Variants in PCLO observed in about 807,000 individuals in gnomAD.
The protein encoded by PCLO is protein piccolo.
A neutral mutation model predicts 427.5 loss-of-function variants in PCLO; 82 were observed. That is an observed-to-expected ratio of 0.19 (90% CI 0.16 to 0.23). The LOEUF is 0.23. PCLO is among the 10% of genes least tolerant of loss of function. The probability of loss-of-function intolerance (pLI) is 1.00; values close to 1 mark genes in which losing one functional copy is unlikely to be tolerated. For synonymous variants in PCLO, 2,357 were observed against 2,155.4 expected, an observed-to-expected ratio of 1.09 and a Z score of -2.59; for missense variants, 6,239 against 6,115.9, an observed-to-expected ratio of 1.02 and a Z score of -0.67.
At chr7:83,082,269 TTATAGATGTTTCA>T (rs1790121445) in intron 3 of PCLO, among the ~76,000 whole-genome samples, 1 of 151,632 alleles carries the variant, frequency 6.6e-6, no homozygotes, top group Non-Finnish European at 1.5e-5. Context: ...TATATATATT[TTATAGATGTTTCA>T]TACATAGAAC....
chr7:82,761,528 T>C, intron 22 of PCLO, 35 bp from the exon 23 acceptor site: 1 of 1,483,612 alleles, frequency 6.7e-7, no homozygotes, highest in Non-Finnish European at 9.3e-7. Context: ...AAGAAGTATG[T>C]AATGCCATAT....
chr7:83,005,273 G>C (rs1583897795), intron 3 of PCLO, among the ~76,000 whole-genome samples: 3 of 151,516 alleles, frequency 2.0e-5, no homozygotes, highest in Non-Finnish European at 3.0e-5. Flanking sequence ...TGACAACATG[G>C]ATAAACCTAA....
intron 8 of PCLO, among the ~76,000 whole-genome samples, chr7:82,908,595 A>G (rs1021988684): frequency 6.6e-6 from 1 of 152,026 alleles, no homozygotes; most frequent in African/African-American, 2.4e-5. Context: ...AGCTCCATCT[A>G]TTCTTCTTGT....
At chr7:82,813,370 G>C (rs1791613045) in intron 20 of PCLO, among the ~76,000 whole-genome samples, 1 of 151,642 alleles carries the variant, frequency 6.6e-6, no homozygotes, top group South Asian at 2.1e-4. Flanking sequence ...TCTATATATA[G>C]ATGGTTATAT....
chr7:83,055,080 AT>A (rs1789346043), intron 3 of PCLO, among the ~76,000 whole-genome samples: 1 of 152,118 alleles, frequency 6.6e-6, no homozygotes, highest in South Asian at 2.1e-4. Context: ...CTGCACTGTT[AT>A]TAGAACTTCA....
At chr7:83,158,539 T>G (rs1792355585) in intron 1 of PCLO, among the ~76,000 whole-genome samples, 1 of 151,862 alleles carries the variant, frequency 6.6e-6, no homozygotes, top group African/African-American at 2.4e-5. Flanking sequence ...AAATCTACCT[T>G]AATTATACTA....
At chr7:82,880,409 A>T in intron 9 of PCLO, 1 of 412,862 alleles carries the variant, frequency 2.4e-6, no homozygotes, top group South Asian at 1.8e-5. Flanking sequence ...GAATAGCTCT[A>T]TTCTTTTTAT....
intron 2 of PCLO, among the ~76,000 whole-genome samples, chr7:83,147,647 G>A (rs944562248): frequency 6.6e-6 from 1 of 152,182 alleles, no homozygotes; most frequent in South Asian, 2.1e-4. Flanking sequence ...CAAGGCTGAA[G>A]ATGTAAAAAT....
At chr7:83,057,317 C>CATATATATATATATATATATATATAT (rs1236982874) in intron 3 of PCLO, among the ~76,000 whole-genome samples, 2 of 25,890 alleles carry the variant, frequency 7.7e-5, no homozygotes, top group Non-Finnish European at 1.2e-4. Flanking sequence ...ATTATATATA[C>CATATATATATATATATATATATATAT]ATATATATAT....
intron 3 of PCLO, among the ~76,000 whole-genome samples, chr7:83,023,768 T>A (rs1583919279): frequency 1.3e-5 from 2 of 152,220 alleles, no homozygotes; most frequent in Non-Finnish European, 2.9e-5. Context: ...AGTAAACATG[T>A]CTTATGCCCA....
chr7:82,939,065 C>T (rs1326934740), intron 6 of PCLO, among the ~76,000 whole-genome samples: 8 of 152,024 alleles, frequency 5.3e-5, no homozygotes, highest in African/African-American at 9.7e-5. Flanking sequence ...TGTCTGCCCG[C>T]GAACCTTTCC....
At chr7:82,827,761 A>G (rs1395064395) in intron 17 of PCLO, 112 bp downstream of exon 17, 2 of 579,698 alleles carry the variant, frequency 3.5e-6, no homozygotes, top group Non-Finnish European at 6.0e-6. Context: ...ATTTTACTCA[A>G]CTTTTTTTGT....
At chr7:82,927,864 T>C (rs985523567) in intron 6 of PCLO, among the ~76,000 whole-genome samples, 1 of 152,194 alleles carries the variant, frequency 6.6e-6, no homozygotes, top group Admixed American at 6.5e-5. Flanking sequence ...CTAGGATATA[T>C]AGACCAAGGT....
At chr7:83,153,977 TAA>T (rs1792203361) in intron 2 of PCLO, among the ~76,000 whole-genome samples, 1 of 152,140 alleles carries the variant, frequency 6.6e-6, no homozygotes, top group African/African-American at 2.4e-5. Context: ...CTAATATTAA[TAA>T]AGTCAGTTAA....
chr7:82,874,284 T>C (rs766556294), intron 10 of PCLO, among the ~76,000 whole-genome samples: 2 of 151,934 alleles, frequency 1.3e-5, no homozygotes, highest in African/African-American at 2.4e-5. Context: ...AGGTACACAA[T>C]AGATGTGTGC....
Position 82,965,848 on chromosome 7 carries a change from T to C in PCLO, c.3940A>G (p.Thr1314Ala), listed in dbSNP as rs187184433. Residue 1314 changes from threonine (T) to alanine (A), a missense_variant, in exon 4 of 25, where the codon ACC (threonine) becomes GCC (alanine). Transcript: ENST00000333891. ...QSLPKEDDKT[T>A]KTIKEQPQPP... ...TGTGGCTGTTCTTTTATTGTTTTGG[T>C]TGTCTTATCATCTTCTTTAGGTAAA... 6.2e-7 allele frequency: 1 copy of C among 1,613,928 alleles called. No homozygotes were observed. Among genetic ancestry groups the C allele is most frequent in the African/African-American group, 1.3e-5 (1 of 75,038 alleles).
intron 3 of PCLO, among the ~76,000 whole-genome samples, chr7:82,995,298 AAG>A (rs1257529227): frequency 6.6e-6 from 1 of 151,968 alleles, no homozygotes; most frequent in East Asian, 1.9e-4. Context: ...GAACACAGGA[AAG>A]AGAGCTGCAC....
At chr7:83,051,287 GATGTTCT>G (rs80296944) in intron 3 of PCLO, among the ~76,000 whole-genome samples, 25,015 of 151,878 alleles carry the variant, frequency 0.16, 2,880 homozygotes, top group East Asian at 0.55. Context: ...CAGATGACAT[GATGTTCT>G]ATACATAAGA....
At chr7:82,885,410 T>C (rs1010856977) in intron 9 of PCLO, among the ~76,000 whole-genome samples, 1 of 152,122 alleles carries the variant, frequency 6.6e-6, no homozygotes, top group African/African-American at 2.4e-5. Context: ...ACAACTAACA[T>C]AGATTATAGT....
Sources: gnomAD v4.1 joint callset for allele counts (sites outside exome capture counted in the v4.1 genomes callset) on GRCh38, gnomAD v4.1.1 for gene constraint, MANE v1.5 for transcripts, NCBI Gene and HGNC (gene_info 2026-07-23, HGNC 2026-07-21) for gene names.